Variants in MACROD2 observed in about 807,000 individuals in gnomAD.
MACROD2 encodes the protein mono-ADP ribosylhydrolase 2, also known as ADP-ribose glycohydrolase MACROD2.
In MACROD2, 36 loss-of-function variants were observed where a neutral mutation model predicts 70.4. The observed-to-expected ratio is 0.51, with a 90% CI of 0.39 to 0.68. The LOEUF (loss-of-function observed/expected upper bound fraction) is 0.68. Ranked by LOEUF, MACROD2 falls within the 30% of genes least tolerant of loss-of-function variation. The pLI, the probability that MACROD2 is intolerant of heterozygous loss-of-function variation, is 0.00. For missense variants in MACROD2, 496 were observed against 538.4 expected, an observed-to-expected ratio of 0.92 and a Z score of 0.78; for synonymous variants, 172 against 178.8, an observed-to-expected ratio of 0.96 and a Z score of 0.30.
At chr20:16,041,318 T>C in intron 16 of MACROD2, 40 bp downstream of exon 16, 1 of 1,516,514 alleles carries the variant, frequency 6.6e-7, no homozygotes, top group African/African-American at 1.4e-5. Flanking sequence ...AAACTACAAA[T>C]CTGGCATATT....
rs375022261 is a variant in MACROD2, at chr20:14,091,549, TC to T, written c.271+5822del. Among the ~76,000 whole-genome samples, 167 of 152,270 alleles carry T rather than the reference TC, an allele frequency of 1.1e-3. 2 individuals are homozygous for T. The highest frequency in any genetic ancestry group is 3.6e-3 in the African/African-American group (150 of 41,548). ...GGATGTGTTAATTAGCTTGGTTTAATCATCCACACTGTGTATATATATATCA... is the reference window on the plus strand; with the variant it reads ...GGATGTGTTAATTAGCTTGGTTTAATATCCACACTGTGTATATATATATCA... On this transcript the variant is annotated intron_variant, in intron 3 of 17. Coordinates refer to ENST00000684519, the MANE Select transcript of MACROD2 (RefSeq NM_001351661.2).
At chr20:14,942,920 C>A (rs1185997523) in intron 5 of MACROD2, among the ~76,000 whole-genome samples, 1 of 152,184 alleles carries the variant, frequency 6.6e-6, no homozygotes, top group Non-Finnish European at 1.5e-5. Flanking sequence ...CATTTCCTTG[C>A]CAGGGTACAT....
chr20:15,827,139 T>A (rs951608416), intron 8 of MACROD2, among the ~76,000 whole-genome samples: 1 of 152,144 alleles, frequency 6.6e-6, no homozygotes, highest in African/African-American at 2.4e-5. Flanking sequence ...ATTCCAGCAG[T>A]CATTGGTCTA....
chr20:15,983,103 G>T (rs923508910), intron 13 of MACROD2, among the ~76,000 whole-genome samples: 8 of 152,222 alleles, frequency 5.3e-5, no homozygotes, highest in Admixed American at 1.3e-4. Context: ...GCTCGTTGCT[G>T]TTGGTTGTAA....
chr20:15,953,444 T>C (rs899185726), intron 12 of MACROD2, among the ~76,000 whole-genome samples: 17 of 152,154 alleles, frequency 1.1e-4, no homozygotes, highest in Admixed American at 9.8e-4. Flanking sequence ...TCACTCTATA[T>C]TATACGTATT....
At chr20:14,829,494 A>T (rs796235298) in intron 5 of MACROD2, among the ~76,000 whole-genome samples, 21 of 152,208 alleles carry the variant, frequency 1.4e-4, no homozygotes, top group African/African-American at 5.1e-4. Flanking sequence ...GTATTCAGGC[A>T]GCTCAACACT....
intron 5 of MACROD2, among the ~76,000 whole-genome samples, chr20:15,207,948 C>A (rs556082679): frequency 1.1e-4 from 16 of 152,222 alleles, no homozygotes; most frequent in African/African-American, 3.9e-4. Flanking sequence ...TAGGTTATAT[C>A]ATTGGCCAAA....
chr20:14,059,234 A>T (rs2053665470), intron 2 of MACROD2, among the ~76,000 whole-genome samples: 4 of 152,090 alleles, frequency 2.6e-5, no homozygotes, highest in Admixed American at 2.6e-4. Context: ...ATTAAACTTT[A>T]TTTTCAATTT....
chr20:15,903,104 G>A (rs1032952238), intron 10 of MACROD2, among the ~76,000 whole-genome samples: 3 of 152,134 alleles, frequency 2.0e-5, no homozygotes, highest in Admixed American at 6.5e-5. Flanking sequence ...GGCCGGGTGC[G>A]GTGTCTCACG....
At chr20:15,349,844 C>A (rs529760890) in intron 6 of MACROD2, among the ~76,000 whole-genome samples, 1 of 151,574 alleles carries the variant, frequency 6.6e-6, no homozygotes, top group Non-Finnish European at 1.5e-5. Flanking sequence ...GAGAAACTTT[C>A]GAAGAATCTG....
intron 5 of MACROD2, among the ~76,000 whole-genome samples, chr20:14,768,709 C>T (rs766489913): frequency 6.0e-5 from 9 of 150,856 alleles, no homozygotes; most frequent in African/African-American, 9.8e-5. Context: ...CTCTGCCTCC[C>T]GGGTTCAAGT....
intron 8 of MACROD2, among the ~76,000 whole-genome samples, chr20:15,616,572 G>T (rs1395939799): frequency 6.6e-6 from 1 of 152,080 alleles, no homozygotes; most frequent in Non-Finnish European, 1.5e-5. Context: ...TCTGGTAAAC[G>T]CCCCAGGACA....
chr20:15,553,420 ATTTG>A (rs1322071911), intron 8 of MACROD2, among the ~76,000 whole-genome samples: 1 of 151,996 alleles, frequency 6.6e-6, no homozygotes, highest in East Asian at 1.9e-4. Context: ...TATGATGGGT[ATTTG>A]TTTGTTTATT....
intron 8 of MACROD2, among the ~76,000 whole-genome samples, chr20:15,855,371 C>T (rs1388224151): frequency 2.0e-5 from 3 of 152,128 alleles, no homozygotes; most frequent in Admixed American, 1.3e-4. Context: ...CTTTATGCCT[C>T]GATGGGTGAG....
At chr20:15,857,848 A>G (rs2064374996) in intron 8 of MACROD2, among the ~76,000 whole-genome samples, 1 of 152,222 alleles carries the variant, frequency 6.6e-6, no homozygotes. Context: ...GTCCGATGTC[A>G]CAGAACTAGT....
intron 8 of MACROD2, among the ~76,000 whole-genome samples, chr20:15,816,194 T>TA (rs1240260673): frequency 6.6e-6 from 1 of 152,134 alleles, no homozygotes; most frequent in Non-Finnish European, 1.5e-5. Flanking sequence ...GAGTTCATGG[T>TA]AGGAAGGTCA....
intron 5 of MACROD2, among the ~76,000 whole-genome samples, chr20:15,105,193 GT>G (rs554274888): frequency 2.0e-5 from 3 of 151,894 alleles, no homozygotes; most frequent in Admixed American, 1.3e-4. Flanking sequence ...CTCAAATGAT[GT>G]TTTTTTTCTC....
At chr20:15,562,537 A>G (rs961157774) in intron 8 of MACROD2, among the ~76,000 whole-genome samples, 1 of 152,172 alleles carries the variant, frequency 6.6e-6, no homozygotes, top group Non-Finnish European at 1.5e-5. Flanking sequence ...TTGGAAGGTA[A>G]TGTTTGTGTG....
intron 5 of MACROD2, among the ~76,000 whole-genome samples, chr20:15,146,862 G>A (rs409678): frequency 0.59 from 89,274 of 151,636 alleles, 26,374 homozygotes; most frequent in East Asian, 0.65. Flanking sequence ...AAAAGTGATA[G>A]TAAGCTGTTC....
Sources: gnomAD v4.1 joint callset for allele counts (sites outside exome capture counted in the v4.1 genomes callset) on GRCh38, gnomAD v4.1.1 for gene constraint, MANE v1.5 for transcripts, NCBI Gene and HGNC (gene_info 2026-07-23, HGNC 2026-07-21) for gene names.